PRRC2B: variants seen among roughly 807,000 people sequenced by gnomAD.
PRRC2B encodes the protein protein PRRC2B.
Under a neutral mutation model 242.3 loss-of-function variants are expected in PRRC2B, and 68 were observed. The ratio of observed to expected loss-of-function variants is 0.28; its 90% CI spans 0.23 to 0.34. The LOEUF (loss-of-function observed/expected upper bound fraction) is 0.34, where lower values mean the gene tolerates loss of function less well. Ranked by LOEUF, PRRC2B falls within the 10% of genes least tolerant of loss-of-function variation. PRRC2B has a pLI of 1.00. For missense variants in PRRC2B, 2,835 were observed against 2,954.8 expected (o/e 0.96, Z 0.94); for synonymous variants, 1,228 against 1,173.6 (o/e 1.05, Z -0.95).
chr9:131,376,892 A>G (rs1242079907), intron 1 of PRRC2B, among the ~76,000 whole-genome samples: 1 of 152,076 alleles, frequency 6.6e-6, no homozygotes, highest in Non-Finnish European at 1.5e-5. Context: ...CTGTAATCCC[A>G]GGTACTCGAG....
intron 1 of PRRC2B, among the ~76,000 whole-genome samples, chr9:131,405,597 G>A (rs1391614524): frequency 6.6e-6 from 1 of 152,162 alleles, no homozygotes; most frequent in Non-Finnish European, 1.5e-5. Context: ...ACCATTGGTT[G>A]AAGTGACTGC....
In PRRC2B at chr9:131,459,200, A is replaced by G. The variant is rs768592249; in HGVS notation, c.1248A>G (p.Ser416=). The part of the protein sequence containing the change: ...SWDPRRQRQL[S]MSSADSADAK... ...ACCCTAGGAGGCAGCGGCAGTTGTC[A>G]ATGAGCTCTGCAGACAGTGCGGACG... The change falls in exon 11 of 32, where the codon TCA becomes TCG. Residue 416 remains serine (S), a synonymous_variant. Coordinates refer to ENST00000683519, the MANE Select transcript of PRRC2B (RefSeq NM_013318.4). The G allele has an allele frequency of 1.9e-6, 3 of 1,614,016 alleles. No individual in the cohort carries two copies. Among genetic ancestry groups the G allele is most frequent in the South Asian group, 1.1e-5 (1 of 91,090 alleles).
chr9:131,446,277 G>A lies in PRRC2B; in HGVS notation c.614-124G>A, dbSNP rs997818696. On this transcript the variant is annotated intron_variant, in intron 6 of 31. Transcript: ENST00000683519. The surrounding 1 kb of genome is among the most constrained non-coding windows in gnomAD (Gnocchi z 4.1). ...CAGATTTAACAGTTCTTCACTTTTG[G>A]TGTTTTTTGTTTTTCATTTTATTTT... The A allele has an allele frequency of 8.5e-7, 1 of 1,182,594 alleles. No individual in the cohort carries two copies. The highest frequency in any genetic ancestry group is 1.2e-6 in the Non-Finnish European group (1 of 856,784). 73.3% of individuals were successfully genotyped at this position (1,182,594 alleles called of 1,614,324 possible). A position where few individuals can be genotyped will look rare whatever the true frequency, so the allele number is the denominator to read the frequency against.
rs181594576 is a variant in PRRC2B at position 131,422,344 on chromosome 9, G to A, written c.-51-7750G>A. Among the ~76,000 whole-genome samples the A allele has an allele frequency of 3.3e-5, 5 of 152,260 alleles. No individual in the cohort carries two copies. In the East Asian group the frequency reaches 7.7e-4, roughly 24 times the overall value. On this transcript the variant is annotated intron_variant, in intron 1 of 31. Transcript: ENST00000683519. The stretch of plus-strand genomic sequence containing the variant: ...CTGGGATTACAGGCGTGAGTCACCC[G>A]CATCCTGCCGGGTGTGTTACTTTTC...
intron 1 of PRRC2B, among the ~76,000 whole-genome samples, chr9:131,422,771 T>G (rs180886823): frequency 6.6e-6 from 1 of 152,328 alleles, no homozygotes; most frequent in African/African-American, 2.4e-5. Context: ...TCTTTCTGGT[T>G]GTTTTTGTTC....
At chr9:131,410,496 G>T (rs1382567711) in intron 1 of PRRC2B, among the ~76,000 whole-genome samples, 1 of 152,212 alleles carries the variant, frequency 6.6e-6, no homozygotes, top group Admixed American at 6.5e-5. Context: ...ATGGCAGCAG[G>T]CGTCGTTCTT....
intron 1 of PRRC2B, among the ~76,000 whole-genome samples, chr9:131,411,453 T>A (rs1837506382): frequency 1.3e-5 from 2 of 150,324 alleles, no homozygotes; most frequent in African/African-American, 4.9e-5. Context: ...TTCACTCCAT[T>A]CTCCTGCCTC....
chr9:131,463,397 A>G (rs1316223392), intron 11 of PRRC2B, among the ~76,000 whole-genome samples: 3 of 152,116 alleles, frequency 2.0e-5, no homozygotes, highest in African/African-American at 7.2e-5. Context: ...AGCTGTATAC[A>G]TTTGTGTTAC....
At position 131,435,311 on chromosome 9, in the gene PRRC2B, AG is replaced by A. The variant is rs201460730; in HGVS notation, c.294-1308del. Among the ~76,000 whole-genome samples, 414 of 145,218 alleles carry A rather than the reference AG, an allele frequency of 2.9e-3. 2 individuals are homozygous for A. Among genetic ancestry groups the A allele is most frequent in the African/African-American group, 5.0e-3 (191 of 38,252 alleles). ...AGATTCCATCTCGAAAAAAAAGAAA[AG>A]AAAAAAAAGTTCTTATTGTAGGTCG... On this transcript the variant is annotated intron_variant, in intron 3 of 31. Coordinates refer to ENST00000683519, the MANE Select transcript of PRRC2B (RefSeq NM_013318.4).
chr9:131,375,551 G>T (rs1447198689), intron 1 of PRRC2B, among the ~76,000 whole-genome samples: 1 of 152,172 alleles, frequency 6.6e-6, no homozygotes, highest in Non-Finnish European at 1.5e-5. Flanking sequence ...GGGAATGGGT[G>T]TTGTCTCAGA....
intron 1 of PRRC2B, among the ~76,000 whole-genome samples, chr9:131,425,592 A>T (rs1394217651): frequency 6.6e-6 from 1 of 151,620 alleles, no homozygotes; most frequent in Non-Finnish European, 1.5e-5. Flanking sequence ...GGTTCATGCC[A>T]TTCTCCTGCC....
Position 131,474,481 on chromosome 9 carries a change from C to T in PRRC2B, c.2352C>T (p.Leu784=), listed in dbSNP as rs564345992. 27 of 1,610,834 alleles carry T rather than the reference C, an allele frequency of 1.7e-5. No homozygotes were observed. The African/African-American group carries it at 1.7e-4, about 10-fold the overall frequency. ...ATGAAAGCTCTTTCTCTGCCTCACT[C>T]GGAAGGGCAGGGGGCGTAAGTGCTC... The part of the protein sequence containing the change: ...VRNESSFSAS[L]GRAGGVSAQR... The change falls in exon 16 of 32, where the codon CTC becomes CTT. Residue 784 remains leucine (L), a synonymous_variant. Coordinates refer to ENST00000683519, the MANE Select transcript of PRRC2B (RefSeq NM_013318.4).
intron 4 of PRRC2B, among the ~76,000 whole-genome samples, chr9:131,438,373 G>C (rs184673881): frequency 6.6e-6 from 1 of 152,048 alleles, no homozygotes; most frequent in Admixed American, 6.6e-5. Context: ...GCCTTCTCAG[G>C]GGGTGGTGAG....
chr9:131,481,567 T>A (rs1312908454), intron 19 of PRRC2B, among the ~76,000 whole-genome samples, 159 bp from the exon 20 acceptor site: 4 of 151,556 alleles, frequency 2.6e-5, no homozygotes, highest in African/African-American at 9.7e-5. Flanking sequence ...TCAGAGCCGT[T>A]CACTGGGTGT....
intron 3 of PRRC2B, among the ~76,000 whole-genome samples, chr9:131,435,114 A>G (rs558983807): frequency 6.6e-6 from 1 of 151,892 alleles, no homozygotes; most frequent in South Asian, 2.1e-4. Flanking sequence ...CCTGACCAAC[A>G]TGGCGAAACC....
intron 1 of PRRC2B, among the ~76,000 whole-genome samples, chr9:131,383,600 CT>C (rs561717754): frequency 0.15 from 17,690 of 120,362 alleles, 1,436 homozygotes; most frequent in African/African-American, 0.33. Flanking sequence ...TTTGGTTTCT[CT>C]TTTTTTTTTT....
Position 131,394,137 on chromosome 9 carries a change from GGAGGGAGC to G in PRRC2B, c.-174_-167del, listed in dbSNP as rs1209655697. 2 of 149,228 alleles carry G rather than the reference GGAGGGAGC, an allele frequency of 1.3e-5. No individual in the cohort carries two copies. Among genetic ancestry groups the G allele is most frequent in the Admixed American group, 1.3e-4 (2 of 14,962 alleles). The allele number at this position is 149,228 out of a possible 1,614,324, so 9.2% of individuals were successfully genotyped here. ...CAGCGACGAGCGAGCCCGGGAGGAG[GGAGGGAGC>G]GAGCGAGCGAGCAGCCCGCGCCGCC... On this transcript the variant is annotated 5_prime_UTR_variant, in exon 1 of 32. Coordinates refer to ENST00000683519, the MANE Select transcript of PRRC2B (RefSeq NM_013318.4).
chr9:131,391,011 G>A (rs970547479), upstream of PRRC2B, among the ~76,000 whole-genome samples: 4 of 150,212 alleles, frequency 2.7e-5, no homozygotes, highest in South Asian at 6.4e-4. Context: ...GGTCTCGAAC[G>A]CCTGACCAAG....
intron 3 of PRRC2B, among the ~76,000 whole-genome samples, chr9:131,435,347 G>T (rs894890212): frequency 1.3e-5 from 2 of 151,784 alleles, no homozygotes; most frequent in Non-Finnish European, 2.9e-5. Context: ...GGGCGCAGTG[G>T]CTCACACCTG....
Sources: allele counts gnomAD v4.1 joint callset (sites outside exome capture counted in the v4.1 genomes callset), GRCh38; gene constraint gnomAD v4.1.1; non-coding constraint Gnocchi (gnomAD v3.1); transcripts MANE v1.5; gene names NCBI Gene and HGNC (gene_info 2026-07-23, HGNC 2026-07-21).